Variants in CLYBL observed in about 807,000 individuals in gnomAD.
CLYBL encodes the protein citramalyl-CoA lyase, mitochondrial.
CLYBL carries 31 observed loss-of-function variants against 38.9 expected under a neutral mutation model. That is an observed-to-expected ratio of 0.80 (90% CI 0.60 to 1.08). CLYBL has a LOEUF of 1.08. CLYBL is among the 50% of genes least tolerant of loss of function. The pLI is 0.00. For synonymous variants in CLYBL, 171 were observed against 158.6 expected (o/e 1.08, Z -0.59); for missense variants, 434 against 411.6 (o/e 1.05, Z -0.47).
intron 1 of CLYBL, among the ~76,000 whole-genome samples, chr13:99,699,978 C>T (rs531624825): frequency 8.6e-5 from 13 of 151,428 alleles, no homozygotes; most frequent in East Asian, 2.0e-4. Context: ...GGCGACAGAG[C>T]GAGACTCCAT....
At chr13:99,653,978 G>A (rs369500619) in intron 1 of CLYBL, among the ~76,000 whole-genome samples, 15 of 152,262 alleles carry the variant, frequency 9.9e-5, no homozygotes, top group African/African-American at 3.4e-4. Context: ...TGGTTAGGTG[G>A]TGCAGGGCTG....
At position 99,833,098 on chromosome 13, in the gene CLYBL, A is replaced by G. The variant is rs188169362; in HGVS notation, c.250-25763A>G. On this transcript the variant is annotated intron_variant, in intron 2 of 8. Coordinates refer to ENST00000339105, the MANE Select transcript of CLYBL (RefSeq NM_206808.5). ...CTCTTTTTGCCCAGGCTGGAGTACA[A>G]TGGCACGATCTTAGCTCACTGCAAC... is the stretch of plus-strand genomic sequence containing the variant. Among the ~76,000 whole-genome samples the G allele has an allele frequency of 8.9e-3, 1,170 of 131,328 alleles. 9 individuals carry two copies. The highest frequency in any genetic ancestry group is 0.046 in the Middle Eastern group (10 of 218). The allele number at this position is 131,328 out of a possible 152,430, so 86.2% of individuals were successfully genotyped here.
At chr13:99,900,521 C>T (rs1032861836), downstream of CLYBL, among the ~76,000 whole-genome samples, 3 of 152,136 alleles carry the variant, frequency 2.0e-5, no homozygotes, top group Admixed American at 1.3e-4. Context: ...GTACCAACTC[C>T]TGGCTGAAGG....
chr13:99,708,632 C>T (rs973834279), intron 1 of CLYBL, among the ~76,000 whole-genome samples: 2 of 152,150 alleles, frequency 1.3e-5, no homozygotes, highest in African/African-American at 4.8e-5. Flanking sequence ...TTAGATGAGA[C>T]ATTCATTCAT....
intron 2 of CLYBL, among the ~76,000 whole-genome samples, chr13:99,809,032 G>A (rs1055828872): frequency 6.6e-6 from 1 of 152,090 alleles, no homozygotes; most frequent in Non-Finnish European, 1.5e-5. Flanking sequence ...GGGAGGTGGG[G>A]TGGGGGAAAA....
chr13:99,813,734 T>C (rs2050387146), intron 2 of CLYBL, among the ~76,000 whole-genome samples: 1 of 152,210 alleles, frequency 6.6e-6, no homozygotes, highest in Admixed American at 6.5e-5. Context: ...ATGCTTAACG[T>C]AATGCCTGAC....
intron 2 of CLYBL, among the ~76,000 whole-genome samples, chr13:99,824,247 C>G (rs1016179991): frequency 3.5e-5 from 5 of 142,970 alleles, no homozygotes; most frequent in African/African-American, 1.0e-4. Context: ...TGAAAGCCTT[C>G]TGACTAATAG....
downstream of CLYBL, chr13:99,893,042 C>G (rs2052523152): frequency 6.6e-6 from 1 of 152,368 alleles, no homozygotes; most frequent in African/African-American, 2.4e-5. Flanking sequence ...ACACAGGATC[C>G]AGGAGACAGA....
chr13:99,659,931 G>A (rs577174971), intron 1 of CLYBL, among the ~76,000 whole-genome samples: 2 of 152,238 alleles, frequency 1.3e-5, no homozygotes, highest in African/African-American at 4.8e-5. Flanking sequence ...CGATTTCTGG[G>A]CATAATATCA....
intron 5 of CLYBL, 21 bp from the exon 6 acceptor site, chr13:99,866,219 C>G (rs2051738452): frequency 1.2e-6 from 2 of 1,608,834 alleles, no homozygotes; most frequent in East Asian, 4.5e-5. Flanking sequence ...CCTCCTTTTT[C>G]TGTTAACATC....
intron 1 of CLYBL, among the ~76,000 whole-genome samples, chr13:99,622,681 T>C (rs1219528520): frequency 6.6e-6 from 1 of 152,242 alleles, no homozygotes; most frequent in Non-Finnish European, 1.5e-5. Context: ...ACTCTATCCA[T>C]TGAGCGGCCA....
chr13:99,738,720 T>C (rs1429634835), intron 1 of CLYBL, among the ~76,000 whole-genome samples: 3 of 152,172 alleles, frequency 2.0e-5, no homozygotes, highest in East Asian at 1.9e-4. Flanking sequence ...GTTTAGACTT[T>C]ACTAGATCAC....
intron 1 of CLYBL, among the ~76,000 whole-genome samples, chr13:99,609,577 C>A (rs1043853153): frequency 6.6e-6 from 1 of 151,800 alleles, no homozygotes; most frequent in Non-Finnish European, 1.5e-5. Flanking sequence ...CACTCTGTCA[C>A]CCAGGCTGGA....
chr13:99,762,149 C>T (rs909187241), intron 1 of CLYBL, among the ~76,000 whole-genome samples: 15 of 152,008 alleles, frequency 9.9e-5, no homozygotes, highest in African/African-American at 3.1e-4. Flanking sequence ...TCCTTTGCTG[C>T]GCAGAAGTTT....
chr13:99,860,168 C>T (rs1003884245), intron 3 of CLYBL, among the ~76,000 whole-genome samples: 1 of 151,936 alleles, frequency 6.6e-6, no homozygotes, highest in Admixed American at 6.5e-5. Context: ...TTTGAAGACT[C>T]GGGACTCACT....
intron 2 of CLYBL, among the ~76,000 whole-genome samples, chr13:99,821,505 C>T (rs2050587919): frequency 6.6e-6 from 1 of 152,050 alleles, no homozygotes; most frequent in Non-Finnish European, 1.5e-5. Flanking sequence ...AGGCTTTTTG[C>T]TGTCTGTGAA....
chr13:99,819,418 A>T (rs867555145), intron 2 of CLYBL, among the ~76,000 whole-genome samples: 15 of 6,252 alleles, frequency 2.4e-3, no homozygotes, highest in African/African-American at 1.2e-3. Context: ...GAAAAAATTT[A>T]TATATATATA....
At chr13:99,775,943 C>G (rs2049503686) in intron 2 of CLYBL, among the ~76,000 whole-genome samples, 1 of 151,946 alleles carries the variant, frequency 6.6e-6, no homozygotes, top group Non-Finnish European at 1.5e-5. Flanking sequence ...GTGGGCAGAT[C>G]ACAAGGTCAG....
At chr13:99,726,608 G>C (rs946075751) in intron 1 of CLYBL, 3 of 152,118 alleles carry the variant, frequency 2.0e-5, no homozygotes, top group Non-Finnish European at 2.9e-5. Flanking sequence ...TTCCTGCCCT[G>C]AAAAGGGAAG....
Sources: allele counts gnomAD v4.1 joint callset (sites outside exome capture counted in the v4.1 genomes callset), GRCh38; gene constraint gnomAD v4.1.1; transcripts MANE v1.5; gene names NCBI Gene and HGNC (gene_info 2026-07-23, HGNC 2026-07-21).